GRIK2: variants seen among roughly 807,000 people sequenced by gnomAD.
GRIK2 encodes the protein glutamate ionotropic receptor kainate type subunit 2.
A neutral mutation model predicts 100.3 loss-of-function variants in GRIK2; 32 were observed. That is an observed-to-expected ratio of 0.32 (90% CI 0.24 to 0.43). The LOEUF is 0.43. Among genes scored for constraint, GRIK2 ranks in the 20% least tolerant of loss-of-function variants. GRIK2 has a pLI of 1.00. For missense variants in GRIK2, 843 were observed against 1,114.9 expected, an observed-to-expected ratio of 0.76 and a Z score of 3.47; for synonymous variants, 417 against 389.4, an observed-to-expected ratio of 1.07 and a Z score of -0.83.
In GRIK2 at chr6:101,966,402, C is replaced by T. The variant is rs567297209; in HGVS notation, c.2085+37770C>T. 1.2e-4 allele frequency among the ~76,000 whole-genome samples: 19 copies of T among 152,094 alleles called. No individual in the cohort carries two copies. The South Asian group carries it at 3.1e-3, about 25-fold the overall frequency. On this transcript the variant is annotated intron_variant, in intron 14 of 16. Transcript: ENST00000369134. ...TTTAAAAAATATATTATGAATGTTG[C>T]GATGCCCAAGTAGATCTTGAGAGTA...
rs1438574876 is a variant in GRIK2, at chr6:101,753,261, C to T, written c.952-46387C>T. 2.6e-4 allele frequency among the ~76,000 whole-genome samples: 34 copies of T among 132,602 alleles called. 1 individual carries two copies. The highest frequency in any genetic ancestry group is 1.2e-3 in the Admixed American group (13 of 11,252). The allele number at this position is 132,602 out of a possible 152,430, so 87.0% of individuals were successfully genotyped here. The stretch of plus-strand genomic sequence containing the variant: ...TCTTGCCACTGCACTCCAGCCTGGG[C>T]GGCAGAGCGAGACTCCGTCTCAAAA... On this transcript the variant is annotated intron_variant, in intron 7 of 16. Transcript: ENST00000369134.
chr6:101,640,413 G>A (rs764915951), intron 4 of GRIK2, among the ~76,000 whole-genome samples: 1 of 152,148 alleles, frequency 6.6e-6, no homozygotes, highest in Non-Finnish European at 1.5e-5. Flanking sequence ...GCATTTAATT[G>A]CCTTGCTCTT....
intron 2 of GRIK2, among the ~76,000 whole-genome samples, chr6:101,506,295 A>G (rs938771724): frequency 6.6e-6 from 1 of 152,126 alleles, no homozygotes; most frequent in African/African-American, 2.4e-5. Context: ...GTTGGACTAA[A>G]TATTTTCTTT....
At chr6:101,909,379 T>TTTTTTTTTTTTTTTTTTTTTTTTTTTG (rs1262456592) in intron 12 of GRIK2, among the ~76,000 whole-genome samples, 1 of 81,984 alleles carries the variant, frequency 1.2e-5, no homozygotes, top group African/African-American at 3.2e-5. Context: ...GGGTTTTCTT[T>TTTTTTTTTTTTTTTTTTTTTTTTTTTG]TTCTTTTTTT....
intron 7 of GRIK2, among the ~76,000 whole-genome samples, chr6:101,701,263 G>C (rs1185776961): frequency 6.6e-6 from 1 of 152,044 alleles, no homozygotes; most frequent in Non-Finnish European, 1.5e-5. Context: ...GAAGCTGAGA[G>C]AATTTAAGTA....
At chr6:101,803,449 G>A (rs961325506) in intron 9 of GRIK2, among the ~76,000 whole-genome samples, 15 of 151,844 alleles carry the variant, frequency 9.9e-5, no homozygotes, top group African/African-American at 3.4e-4. Flanking sequence ...CTGCCACTGA[G>A]GATTTCAAAC....
At chr6:101,611,680 T>C (rs1467087256) in intron 2 of GRIK2, among the ~76,000 whole-genome samples, 1 of 151,170 alleles carries the variant, frequency 6.6e-6, no homozygotes, top group Non-Finnish European at 1.5e-5. Flanking sequence ...GTAGGAAGGG[T>C]GGGAGATATT....
At chr6:101,462,939 A>C (rs934121093) in intron 2 of GRIK2, among the ~76,000 whole-genome samples, 1 of 152,214 alleles carries the variant, frequency 6.6e-6, no homozygotes, top group African/African-American at 2.4e-5. Flanking sequence ...TTATGCTGAG[A>C]AAAATCTTTC....
At chr6:102,031,070 A>G (rs1175765122) in intron 14 of GRIK2, among the ~76,000 whole-genome samples, 2 of 132,230 alleles carry the variant, frequency 1.5e-5, no homozygotes, top group African/African-American at 2.8e-5. Flanking sequence ...ACCAAGTATT[A>G]TGCATTACAC....
At chr6:101,900,220 T>C (rs919298548) in intron 12 of GRIK2, among the ~76,000 whole-genome samples, 17 of 152,152 alleles carry the variant, frequency 1.1e-4, no homozygotes, top group African/African-American at 4.1e-4. Context: ...ATCCCAGCAC[T>C]TTGGGAGGCC....
At chr6:101,794,191 G>A (rs145521569) in intron 7 of GRIK2, among the ~76,000 whole-genome samples, 6,884 of 152,098 alleles carry the variant, frequency 0.045, 184 homozygotes, top group Non-Finnish European at 0.057. Flanking sequence ...GCCCTGCTTC[G>A]GCTCGCGCAC....
intron 7 of GRIK2, among the ~76,000 whole-genome samples, chr6:101,763,881 T>TC (rs542829855): frequency 1.3e-3 from 193 of 152,214 alleles, no homozygotes; most frequent in African/African-American, 3.6e-3. Flanking sequence ...AAGCCAGCCT[T>TC]GTTTGCTTCC....
intron 2 of GRIK2, among the ~76,000 whole-genome samples, chr6:101,470,107 G>A (rs1216287173): frequency 3.3e-5 from 5 of 152,140 alleles, no homozygotes; most frequent in Admixed American, 1.3e-4. Context: ...CTGGCTGGAT[G>A]TGAAACTTCC....
intron 16 of GRIK2, among the ~76,000 whole-genome samples, chr6:102,057,646 T>C (rs1771529930): frequency 6.6e-6 from 1 of 151,966 alleles, no homozygotes; most frequent in Non-Finnish European, 1.5e-5. Context: ...ACACTGTTTC[T>C]ACATAGCTGC....
At chr6:101,758,096 A>G (rs912408169) in intron 7 of GRIK2, among the ~76,000 whole-genome samples, 2 of 151,908 alleles carry the variant, frequency 1.3e-5, no homozygotes, top group African/African-American at 4.8e-5. Context: ...GATGGTGAGC[A>G]CCTCTAGTCC....
intron 2 of GRIK2, among the ~76,000 whole-genome samples, chr6:101,522,784 A>T (rs1774943022): frequency 6.6e-6 from 1 of 151,820 alleles, no homozygotes; most frequent in East Asian, 1.9e-4. Flanking sequence ...TGTTTGTCTA[A>T]CTTTTCCCCT....
chr6:101,500,156 G>A (rs1773673253), intron 2 of GRIK2, among the ~76,000 whole-genome samples: 3 of 152,038 alleles, frequency 2.0e-5, no homozygotes, highest in Non-Finnish European at 4.4e-5. Flanking sequence ...CTTAAAGTAA[G>A]TTCTATCTTA....
At chr6:101,864,510 T>C (rs1312322531) in intron 11 of GRIK2, among the ~76,000 whole-genome samples, 7 of 152,162 alleles carry the variant, frequency 4.6e-5, no homozygotes, top group Admixed American at 2.0e-4. Context: ...TACAAACAGT[T>C]CTAAGACTGA....
intron 7 of GRIK2, among the ~76,000 whole-genome samples, chr6:101,722,717 A>C (rs2128366247): frequency 6.6e-6 from 1 of 152,210 alleles, no homozygotes; most frequent in South Asian, 2.1e-4. Context: ...TGAGGACCAA[A>C]GGAATAAAAT....
Sources: allele counts gnomAD v4.1 joint callset (sites outside exome capture counted in the v4.1 genomes callset), GRCh38; gene constraint gnomAD v4.1.1; transcripts MANE v1.5; gene names NCBI Gene and HGNC (gene_info 2026-07-23, HGNC 2026-07-21).